The following PEX5L variants were observed in gnomAD, a reference collection of about 807,000 sequenced individuals.
The protein encoded by PEX5L is PEX5-related protein.
Under a neutral mutation model 84.0 loss-of-function variants are expected in PEX5L, and 30 were observed. The ratio of observed to expected loss-of-function variants is 0.36; its 90% confidence interval spans 0.27 to 0.48. PEX5L has a LOEUF of 0.48. Ranked by LOEUF, PEX5L falls within the 20% of genes least tolerant of loss-of-function variation. The pLI is 0.99. For synonymous variants in PEX5L, 270 were observed against 283.1 expected, an observed-to-expected ratio of 0.95 and a Z score of 0.46; for missense variants, 533 against 754.6, an observed-to-expected ratio of 0.71 and a Z score of 3.44.
rs1380094185 is a variant in PEX5L, at chr3:179,880,125, T to C, written c.311-2A>G. The C allele has an allele frequency of 1.3e-6, 2 of 1,583,796 alleles. No homozygotes were observed. Among genetic ancestry groups the C allele is most frequent in the Non-Finnish European group, 1.7e-6 (2 of 1,165,118 alleles). Reference sequence around the variant, plus strand: ...GGAGATCTAAGCCAGTGGTCAATACTACCAGAAATGGAAGAGGTTAAGATA... The same window carrying C: ...GGAGATCTAAGCCAGTGGTCAATACCACCAGAAATGGAAGAGGTTAAGATA... On this transcript the variant is annotated splice_acceptor_variant, in intron 4 of 14. Transcript: ENST00000467460. LOFTEE classifies it high-confidence loss of function.
rs574447457 is a variant in PEX5L, at chr3:179,822,923, A to C, written c.823-2947T>G. 2.0e-5 allele frequency among the ~76,000 whole-genome samples: 3 copies of C among 152,340 alleles called. No individual in the cohort carries two copies. In the East Asian group the frequency reaches 5.8e-4, roughly 29 times the overall value. On this transcript the variant is annotated intron_variant, in intron 8 of 14. Transcript: ENST00000467460. ...TGGACCTGGGTCAAATTCTTGTTCC[A>C]TCATTGCCCTTTTGTGAATCTCTTA...
At chr3:179,852,086 A>T (rs1447993868) in intron 8 of PEX5L, among the ~76,000 whole-genome samples, 2 of 152,186 alleles carry the variant, frequency 1.3e-5, no homozygotes, top group African/African-American at 2.4e-5. Context: ...ACTTCAAGCA[A>T]CACGCGTTTA....
chr3:179,809,524 G>A lies in PEX5L; in HGVS notation c.1299C>T (p.Ser433=). Residue 433 remains serine, a synonymous_variant, in exon 12 of 15, where the codon AGC becomes AGT. Transcript: ENST00000467460. ...QNPKYKYLVK[S]KKGSPGLTRR... ...GGGTGAGGCCTGGAGATCCCTTCTT[G>A]CTTTTCACAAGGTATTTGTACTTTG... is the stretch of plus-strand genomic sequence containing the variant. 1 of 1,614,068 alleles carries A rather than the reference G, an allele frequency of 6.2e-7. No homozygotes were observed.
intron 8 of PEX5L, among the ~76,000 whole-genome samples, chr3:179,843,072 G>A (rs191370809): frequency 6.6e-5 from 10 of 151,866 alleles, no homozygotes; most frequent in African/African-American, 2.2e-4. Flanking sequence ...TGATTGAAAC[G>A]ACTGCAAGAC....
chr3:179,867,004 T>C (rs369568297), intron 7 of PEX5L, among the ~76,000 whole-genome samples: 1 of 122,178 alleles, frequency 8.2e-6, no homozygotes, highest in African/African-American at 3.2e-5. Flanking sequence ...CCAGCCTGGG[T>C]GACAGAGCAA....
chr3:180,031,015 T>C (rs1339518471), intron 1 of PEX5L, among the ~76,000 whole-genome samples: 1 of 151,936 alleles, frequency 6.6e-6, no homozygotes, highest in Non-Finnish European at 1.5e-5. Context: ...CAGTGGTGTC[T>C]AAAAAACAAT....
At chr3:179,903,396 A>T (rs529036782) in intron 2 of PEX5L, among the ~76,000 whole-genome samples, 38 of 152,040 alleles carry the variant, frequency 2.5e-4, no homozygotes, top group Admixed American at 4.6e-4. Flanking sequence ...TAATTAATTT[A>T]AAAAAATTTT....
chr3:179,827,128 C>G (rs1372884441), intron 8 of PEX5L, among the ~76,000 whole-genome samples: 2 of 152,176 alleles, frequency 1.3e-5, no homozygotes, highest in African/African-American at 2.4e-5. Context: ...TTTTCTGGCT[C>G]CCATCTCTCC....
rs2287224 is a variant in PEX5L, at chr3:179,859,031, A to C, written c.822+31T>G. ...TCAAATGCCACTCTCAGGAGCATGA[A>C]ACAGAAAAAACTAATTTGAAGAAAA... On this transcript the variant is annotated intron_variant, in intron 8 of 14. Coordinates refer to ENST00000467460, the MANE Select transcript of PEX5L (RefSeq NM_016559.3). The C allele has an allele frequency of 7.9e-3, 11,412 of 1,448,272 alleles. 733 individuals carry two copies. The Admixed American group carries it at 0.13, about 17-fold the overall frequency. The allele number at this position is 1,448,272 out of a possible 1,614,324, so 89.7% of individuals were successfully genotyped here. A position where few individuals can be genotyped will look rare whatever the true frequency, so the allele number is the denominator to read the frequency against.
At chr3:179,932,258 T>G (rs1031095489) in intron 2 of PEX5L, among the ~76,000 whole-genome samples, 15 of 152,002 alleles carry the variant, frequency 9.9e-5, no homozygotes, top group Non-Finnish European at 1.5e-4. Flanking sequence ...TACATAAAGT[T>G]GTGTGTGTGT....
rs1577063810 is a variant in PEX5L, at chr3:179,801,557, G to C, written c.*271C>G. On this transcript the variant is annotated 3_prime_UTR_variant, in exon 15 of 15. Transcript: ENST00000467460. ...GCAATATGCTTGCAACTTGTGGAAA[G>C]AGTATTCAACACACAGTTACTTTAT... 1 of 371,186 alleles carries C rather than the reference G, an allele frequency of 2.7e-6. No homozygotes were observed. The highest frequency in any genetic ancestry group is 2.0e-5 in the African/African-American group (1 of 49,628). 23.0% of individuals were successfully genotyped at this position (371,186 alleles called of 1,614,324 possible).
At chr3:179,832,266 A>G (rs1350855178) in intron 8 of PEX5L, among the ~76,000 whole-genome samples, 1 of 151,906 alleles carries the variant, frequency 6.6e-6, no homozygotes, top group African/African-American at 2.4e-5. Context: ...AGAGAGAGAG[A>G]TAGAGAGGGA....
intron 7 of PEX5L, among the ~76,000 whole-genome samples, chr3:179,860,924 C>T (rs1336849588): frequency 1.3e-5 from 2 of 152,184 alleles, no homozygotes; most frequent in African/African-American, 4.8e-5. Context: ...TGTGCTCACC[C>T]AGTCATACCA....
chr3:179,976,225 C>G (rs1171776303), intron 1 of PEX5L, among the ~76,000 whole-genome samples: 3 of 152,172 alleles, frequency 2.0e-5, no homozygotes, highest in Non-Finnish European at 2.9e-5. Flanking sequence ...AAACAGAGTT[C>G]TGATAGTGTC....
chr3:179,966,053 G>T lies in PEX5L; in HGVS notation c.93+5541C>A, dbSNP rs149420688. Among the ~76,000 whole-genome samples the T allele has an allele frequency of 7.8e-4, 119 of 152,254 alleles. 1 individual carries two copies. The East Asian group carries it at 0.019, about 24-fold the overall frequency. On this transcript the variant is annotated intron_variant, in intron 2 of 14. Transcript: ENST00000467460. Reference sequence around the variant, plus strand: ...CTGATTTCAGATAGATAGCAAATTTGAATAGTCTCTCTCATTCCAAATAAA... The same window carrying T: ...CTGATTTCAGATAGATAGCAAATTTTAATAGTCTCTCTCATTCCAAATAAA...
At chr3:179,897,990 G>T in intron 3 of PEX5L, 152 bp downstream of exon 3, 1 of 443,660 alleles carries the variant, frequency 2.3e-6, no homozygotes, top group South Asian at 7.1e-5. Context: ...AGCAATTTTG[G>T]TTTTCATCTA....
chr3:179,819,192 A>T (rs1355445672), intron 9 of PEX5L, among the ~76,000 whole-genome samples: 1 of 152,104 alleles, frequency 6.6e-6, no homozygotes, highest in Non-Finnish European at 1.5e-5. Flanking sequence ...TTTTCTTTCA[A>T]GTCATTTACA....
intron 2 of PEX5L, among the ~76,000 whole-genome samples, chr3:179,910,476 T>C (rs576382387): frequency 9.2e-5 from 14 of 152,342 alleles, no homozygotes; most frequent in African/African-American, 2.9e-4. Flanking sequence ...TTAGTTAATA[T>C]AGACATTAGT....
chr3:180,027,145 C>A (rs576314353), intron 1 of PEX5L, among the ~76,000 whole-genome samples: 1 of 152,068 alleles, frequency 6.6e-6, no homozygotes, highest in African/African-American at 2.4e-5. Flanking sequence ...AGGGTAGTTG[C>A]GGAACCAGTG....
Sources: gnomAD v4.1 joint callset for allele counts (sites outside exome capture counted in the v4.1 genomes callset) on GRCh38, gnomAD v4.1.1 for gene constraint, MANE v1.5 for transcripts, NCBI Gene and HGNC (gene_info 2026-07-23, HGNC 2026-07-21) for gene names.